The following IL1RL2 variants were observed in gnomAD, a reference collection of about 807,000 sequenced individuals.
IL1RL2 encodes interleukin 1 receptor like 2.
In IL1RL2, 68 loss-of-function variants were observed where a neutral mutation model predicts 66.8. That is an observed-to-expected ratio of 1.02 (90% CI 0.84 to 1.25). The LOEUF (loss-of-function observed/expected upper bound fraction) is 1.25, where lower values mean the gene tolerates loss of function less well. IL1RL2 is among the 50% of genes most tolerant of loss of function. The pLI, the probability that IL1RL2 is intolerant of heterozygous loss-of-function variation, is 0.00. For missense variants in IL1RL2, 729 were observed against 709.3 expected (o/e 1.03, Z -0.32); for synonymous variants, 305 against 264.6 (o/e 1.15, Z -1.48).
chr2:102,235,944 T>A (rs1559568161), intron 11 of IL1RL2: 1 of 985,242 alleles, frequency 1.0e-6, no homozygotes. Flanking sequence ...GCTTTATCTG[T>A]CAAACTAAAG....
chr2:102,211,690 T>A (rs1689184051), intron 5 of IL1RL2, among the ~76,000 whole-genome samples: 1 of 152,218 alleles, frequency 6.6e-6, no homozygotes, highest in Admixed American at 6.5e-5. Context: ...GAACAGGAAC[T>A]GCATGAGGGA....
rs535060920 is a variant in IL1RL2, at chr2:102,239,498, G to A, written c.*257G>A. ...TATCCCCATGGTCATGGAGGGTGAG[G>A]GCTGGTCGGGGGAGGCATCCCCAAG... On this transcript the variant is annotated 3_prime_UTR_variant, in exon 12 of 12. Transcript: ENST00000264257. 2.4e-6 allele frequency: 1 copy of A among 417,034 alleles called. No homozygotes were observed. Among genetic ancestry groups the A allele is most frequent in the Non-Finnish European group, 4.5e-6 (1 of 220,240 alleles). The allele number at this position is 417,034 out of a possible 1,614,324, so 25.8% of individuals were successfully genotyped here.
chr2:102,205,887 A>C (rs1688660240), intron 5 of IL1RL2, among the ~76,000 whole-genome samples: 1 of 152,084 alleles, frequency 6.6e-6, no homozygotes, highest in Non-Finnish European at 1.5e-5. Context: ...TTTTGAGGCT[A>C]TCTTCTAGAT....
chr2:102,199,337 G>A (rs988301965), intron 4 of IL1RL2, among the ~76,000 whole-genome samples: 1 of 152,122 alleles, frequency 6.6e-6, no homozygotes, highest in Non-Finnish European at 1.5e-5. Flanking sequence ...TCCTCTTCAT[G>A]GTTTTCTGTG....
At chr2:102,238,597 C>T (rs970780765) in intron 11 of IL1RL2, among the ~76,000 whole-genome samples, 1 of 152,170 alleles carries the variant, frequency 6.6e-6, no homozygotes, top group Non-Finnish European at 1.5e-5. Flanking sequence ...TATAAACTTC[C>T]CTCTAACACA....
In IL1RL2 at chr2:102,226,019, C is replaced by G. The variant is rs752122531; in HGVS notation, c.1113C>G (p.Phe371Leu). The G allele has an allele frequency of 1.0e-5, 16 of 1,602,152 alleles. No homozygotes were observed. In the Admixed American group the frequency reaches 2.7e-4, roughly 27 times the overall value. ...IDIVLWYRSA[F>L]HSTETIVDGK... Reference sequence around the variant, plus strand: ...TTGTTCTTTGGTATCGAAGTGCCTTCCATTCTACAGAGACCATAGTAGGTA... The same window carrying G: ...TTGTTCTTTGGTATCGAAGTGCCTTGCATTCTACAGAGACCATAGTAGGTA... The change falls in exon 9 of 12, where the codon TTC (phenylalanine) becomes TTG (leucine). Residue 371 changes from phenylalanine (F) to leucine (L), a missense_variant. Phe to Leu is a conservative substitution (Grantham distance 22). Coordinates refer to ENST00000264257, the MANE Select transcript of IL1RL2 (RefSeq NM_003854.4).
downstream of IL1RL2, among the ~76,000 whole-genome samples, chr2:102,242,680 G>T (rs1172426085): frequency 6.6e-6 from 1 of 151,840 alleles, no homozygotes; most frequent in Non-Finnish European, 1.5e-5. Flanking sequence ...TCTGGGGAAG[G>T]CTCACTGTCT....
intron 3 of IL1RL2, among the ~76,000 whole-genome samples, chr2:102,191,507 G>T (rs141983358): frequency 6.6e-6 from 1 of 152,242 alleles, no homozygotes; most frequent in African/African-American, 2.4e-5. Flanking sequence ...CAGTTCCTCA[G>T]TCTTTGTTTT....
At chr2:102,219,339 A>C (rs543087482) in intron 7 of IL1RL2, among the ~76,000 whole-genome samples, 1 of 152,340 alleles carries the variant, frequency 6.6e-6, no homozygotes, top group African/African-American at 2.4e-5. Context: ...CGGCCTTCAA[A>C]GCTTAATGCC....
intron 9 of IL1RL2, among the ~76,000 whole-genome samples, chr2:102,228,459 C>T (rs953266024): frequency 6.6e-6 from 1 of 152,154 alleles, no homozygotes; most frequent in Non-Finnish European, 1.5e-5. Context: ...CATTGACAGC[C>T]CTAGCTGAAG....
chr2:102,215,708 C>A (rs1477362443), intron 6 of IL1RL2, among the ~76,000 whole-genome samples: 1 of 152,152 alleles, frequency 6.6e-6, no homozygotes, highest in Non-Finnish European at 1.5e-5. Flanking sequence ...CATGCCACTG[C>A]CAGTACAAAC....
In IL1RL2 at chr2:102,239,437, C is replaced by A; in HGVS notation, c.*196C>A. On this transcript the variant is annotated 3_prime_UTR_variant, in exon 12 of 12. Transcript: ENST00000264257. Reference sequence around the variant, plus strand: ...ATGTCATGGTGGGTGAGAGCTGGGGCCATCCCCGTGGTCATGGAGGGTGAG... The same window carrying A: ...ATGTCATGGTGGGTGAGAGCTGGGGACATCCCCGTGGTCATGGAGGGTGAG... The A allele has an allele frequency of 2.0e-6, 1 of 489,906 alleles. No individual in the cohort carries two copies. Among genetic ancestry groups the A allele is most frequent in the Non-Finnish European group, 3.7e-6 (1 of 268,264 alleles). 30.3% of individuals were successfully genotyped at this position (489,906 alleles called of 1,614,324 possible). A position where few individuals can be genotyped will look rare whatever the true frequency, so the allele number is the denominator to read the frequency against.
At chr2:102,218,932 G>A in intron 6 of IL1RL2, 21 bp from the exon 7 acceptor site, 2 of 1,600,498 alleles carry the variant, frequency 1.2e-6, no homozygotes, top group Non-Finnish European at 1.7e-6. Context: ...ATTGAATATT[G>A]ATGATATTGG....
chr2:102,207,495 C>T (rs139045330), intron 5 of IL1RL2, among the ~76,000 whole-genome samples: 23 of 151,500 alleles, frequency 1.5e-4, no homozygotes, highest in Non-Finnish European at 1.0e-4. Context: ...GTCAAGGCAG[C>T]GGGTCCCCTT....
intron 5 of IL1RL2, among the ~76,000 whole-genome samples, chr2:102,209,865 C>T (rs2104793704): frequency 6.6e-6 from 1 of 152,234 alleles, no homozygotes. Flanking sequence ...TTCAAGCAAT[C>T]ATTTAAGAAC....
intron 9 of IL1RL2, among the ~76,000 whole-genome samples, chr2:102,230,594 G>A (rs1691035996): frequency 6.6e-6 from 1 of 152,222 alleles, no homozygotes; most frequent in Non-Finnish European, 1.5e-5. Flanking sequence ...GCCCGGTCCT[G>A]CTCCAGTGGC....
At chr2:102,190,315 C>T (rs1272073053) in intron 3 of IL1RL2, among the ~76,000 whole-genome samples, 1 of 152,156 alleles carries the variant, frequency 6.6e-6, no homozygotes. Context: ...GCCTGAGGGC[C>T]CAATTTCGTG....
chr2:102,199,517 A>G (rs1688054999), intron 4 of IL1RL2, among the ~76,000 whole-genome samples: 1 of 152,232 alleles, frequency 6.6e-6, no homozygotes, highest in Non-Finnish European at 1.5e-5. Flanking sequence ...AGTGGACGCT[A>G]TTGTTCTTAA....
In IL1RL2 at chr2:102,233,109, G is replaced by T; in HGVS notation, c.1282G>T (p.Glu428Ter). The T allele has an allele frequency of 6.2e-7, 1 of 1,606,034 alleles. No individual in the cohort carries two copies. ...GYKLFIFGRD[E>*]FPGQAVANVI... ...TAAGTTGTTTATATTCGGCAGAGAT[G>T]AATTCCCTGGACAAGGTGGGTTTTA... is the stretch of plus-strand genomic sequence containing the variant. The change falls in exon 10 of 12, where the codon GAA (glutamate) becomes TAA (stop). Residue 428 changes from glutamate (E) to a stop codon, truncating the protein, a stop_gained. Transcript: ENST00000264257. LOFTEE classifies it high-confidence loss of function.
Sources: gnomAD v4.1 joint callset for allele counts (sites outside exome capture counted in the v4.1 genomes callset) on GRCh38, gnomAD v4.1.1 for gene constraint, MANE v1.5 for transcripts, NCBI Gene and HGNC (gene_info 2026-07-23, HGNC 2026-07-21) for gene names.